UBXN2A: variants seen among roughly 807,000 people sequenced by gnomAD.
UBXN2A encodes the protein UBX domain-containing protein 2A.
Under a neutral mutation model 28.4 loss-of-function variants are expected in UBXN2A, and 28 were observed. That is an observed-to-expected ratio of 0.99 (90% CI 0.73 to 1.35). UBXN2A has a LOEUF of 1.35. Ranked by LOEUF, UBXN2A falls within the 40% of genes most tolerant of loss-of-function variation. The pLI, the probability that UBXN2A is intolerant of heterozygous loss-of-function variation, is 0.00. For synonymous variants in UBXN2A, 97 were observed against 103.6 expected, an observed-to-expected ratio of 0.94 and a Z score of 0.39; for missense variants, 253 against 297.9, an observed-to-expected ratio of 0.85 and a Z score of 1.11.
rs1707686391 is a variant in UBXN2A, at chr2:23,976,884, A to G, written c.181-85A>G. On this transcript the variant is annotated intron_variant, in intron 3 of 6. Coordinates refer to ENST00000309033, the MANE Select transcript of UBXN2A (RefSeq NM_181713.4). ...GAGTGAACCACCCCACCCGGCCTGAATAGTGATAGAAGAAATTTTCAAAGG... is the reference window on the plus strand; with the variant it reads ...GAGTGAACCACCCCACCCGGCCTGAGTAGTGATAGAAGAAATTTTCAAAGG... 7 of 1,162,692 alleles carry G rather than the reference A, an allele frequency of 6.0e-6. No homozygotes were observed. In the Admixed American group the frequency reaches 1.3e-4, roughly 22 times the overall value. 72.0% of individuals were successfully genotyped at this position (1,162,692 alleles called of 1,614,324 possible). A position where few individuals can be genotyped will look rare whatever the true frequency, so the allele number is the denominator to read the frequency against.
intron 1 of UBXN2A, among the ~76,000 whole-genome samples, chr2:23,942,379 C>T (rs1350595353): frequency 7.0e-6 from 1 of 142,816 alleles, no homozygotes; most frequent in African/African-American, 2.6e-5. Flanking sequence ...CAAAAGGGTG[C>T]TGTGATAAAG....
At chr2:23,929,925 G>A (rs1211153528) in intron 1 of UBXN2A, among the ~76,000 whole-genome samples, 1 of 152,032 alleles carries the variant, frequency 6.6e-6, no homozygotes, top group East Asian at 1.9e-4. Context: ...GTCTTGCTCT[G>A]TCACTCAGGC....
chr2:23,972,822 A>AAAAT (rs1157019289), intron 3 of UBXN2A, among the ~76,000 whole-genome samples: 1 of 152,152 alleles, frequency 6.6e-6, no homozygotes, highest in African/African-American at 2.4e-5. Flanking sequence ...ACTTGGTCTC[A>AAAAT]AAATAAATAA....
chr2:23,980,683 A>AGTG (rs1452435297), intron 4 of UBXN2A, among the ~76,000 whole-genome samples: 1 of 152,134 alleles, frequency 6.6e-6, no homozygotes, highest in Non-Finnish European at 1.5e-5. Flanking sequence ...GCTGGAGTGC[A>AGTG]GTGGCATGAT....
intron 3 of UBXN2A, 116 bp downstream of exon 3, chr2:23,971,530 C>T (rs932408409): frequency 3.3e-6 from 4 of 1,196,636 alleles, no homozygotes; most frequent in African/African-American, 3.0e-5. Flanking sequence ...TCTCTGTCAC[C>T]CAGACTGGAG....
intron 4 of UBXN2A, among the ~76,000 whole-genome samples, chr2:23,981,314 A>G (rs1300830952): frequency 1.3e-5 from 2 of 150,156 alleles, no homozygotes; most frequent in East Asian, 1.9e-4. Flanking sequence ...AAAAAAAAAA[A>G]AAAAAAAACC....
chr2:24,003,655 T>TAGAAAAAAAAAA lies in UBXN2A; in HGVS notation c.*3788_*3789insAGAAAAAAAAAA, dbSNP rs1708755184. On this transcript the variant is annotated 3_prime_UTR_variant, in exon 7 of 7. Transcript: ENST00000309033. ...CAGGTACATAATAGAAAATAAATAA[T>TAGAAAAAAAAAA]TATTGTTGGTAATGTTTACACAGCA... 6.6e-6 allele frequency: 1 copy of TAGAAAAAAAAAA among 150,570 alleles called. No individual in the cohort carries two copies. The highest frequency in any genetic ancestry group is 1.5e-5 in the Non-Finnish European group (1 of 67,876). The allele number at this position is 150,570 out of a possible 1,614,324, so 9.3% of individuals were successfully genotyped here.
chr2:23,993,737 G>T (rs774436936), intron 6 of UBXN2A, among the ~76,000 whole-genome samples: 2 of 149,790 alleles, frequency 1.3e-5, no homozygotes, highest in Non-Finnish European at 3.0e-5. Flanking sequence ...CACCTGGTTG[G>T]AGCGCAGCGG....
chr2:23,950,119 A>G (rs1706292596), intron 1 of UBXN2A, among the ~76,000 whole-genome samples: 1 of 150,360 alleles, frequency 6.7e-6, no homozygotes. Context: ...GCGATGTCAG[A>G]TCTGGTAAAG....
At chr2:23,944,142 C>T (rs2150802311) in intron 1 of UBXN2A, 1 of 959,544 alleles carries the variant, frequency 1.0e-6, no homozygotes, top group Non-Finnish European at 1.7e-6. Flanking sequence ...TTAAGTCTTA[C>T]TTGGAACTCA....
chr2:23,970,189 T>C (rs1385630066), intron 2 of UBXN2A, among the ~76,000 whole-genome samples: 1 of 151,884 alleles, frequency 6.6e-6, no homozygotes, highest in African/African-American at 2.4e-5. Context: ...GGGTCTGAAG[T>C]GGGAAGATTG....
intron 3 of UBXN2A, 58 bp from the exon 4 acceptor site, chr2:23,976,911 C>G: frequency 6.9e-7 from 1 of 1,444,698 alleles, no homozygotes; most frequent in Non-Finnish European, 9.6e-7. Context: ...TTTCAAAGGA[C>G]TTTCAATCCT....
At chr2:23,927,623 TAAGAAG>T (rs1168245584) in intron 1 of UBXN2A, 1 of 106,518 alleles carries the variant, frequency 9.4e-6, no homozygotes, top group Non-Finnish European at 1.9e-5. Flanking sequence ...TTGGTAAGCT[TAAGAAG>T]AGAAGGGGGG....
At chr2:23,966,723 T>C (rs548590499) in intron 2 of UBXN2A, among the ~76,000 whole-genome samples, 31 of 150,180 alleles carry the variant, frequency 2.1e-4, no homozygotes, top group Middle Eastern at 7.1e-3. Flanking sequence ...AGTGCTAGGA[T>C]TACAGGCGTG....
chr2:23,972,550 G>A (rs192452035), intron 3 of UBXN2A, among the ~76,000 whole-genome samples: 145 of 152,218 alleles, frequency 9.5e-4, no homozygotes, highest in Non-Finnish European at 3.7e-4. Flanking sequence ...TTGACCGGGC[G>A]CGGTGGCTCA....
At chr2:23,930,249 G>A (rs1004224149) in intron 1 of UBXN2A, among the ~76,000 whole-genome samples, 7 of 152,128 alleles carry the variant, frequency 4.6e-5, no homozygotes, top group African/African-American at 1.7e-4. Flanking sequence ...ACCAGCCTGG[G>A]CAACATAGTG....
rs1369883623 is a variant in UBXN2A at position 23,980,227 on chromosome 2, T to C, written c.288-2669T>C. Among the ~76,000 whole-genome samples, 5 of 152,318 alleles carry C rather than the reference T, an allele frequency of 3.3e-5. No individual in the cohort carries two copies. The East Asian group carries it at 7.7e-4, about 24-fold the overall frequency. On this transcript the variant is annotated intron_variant, in intron 4 of 6. Coordinates refer to ENST00000309033, the MANE Select transcript of UBXN2A (RefSeq NM_181713.4). ...ACCTGTTCTACTCATTTTCACATTTTGGGCTATTATGAATAATGCTACTAT... is the reference window on the plus strand; with the variant it reads ...ACCTGTTCTACTCATTTTCACATTTCGGGCTATTATGAATAATGCTACTAT...
At chr2:23,977,666 C>A (rs913145477) in intron 4 of UBXN2A, among the ~76,000 whole-genome samples, 2 of 152,070 alleles carry the variant, frequency 1.3e-5, no homozygotes, top group African/African-American at 4.8e-5. Flanking sequence ...ACAAAAAAAA[C>A]AACGAGCTGG....
intron 4 of UBXN2A, among the ~76,000 whole-genome samples, chr2:23,980,701 C>T (rs1296686403): frequency 2.6e-5 from 4 of 152,084 alleles, no homozygotes; most frequent in South Asian, 4.1e-4. Flanking sequence ...GATCTCGGCT[C>T]ACTGTAACCT....
Sources: gnomAD v4.1 joint callset for allele counts (sites outside exome capture counted in the v4.1 genomes callset) on GRCh38, gnomAD v4.1.1 for gene constraint, MANE v1.5 for transcripts, NCBI Gene and HGNC (gene_info 2026-07-23, HGNC 2026-07-21) for gene names.